Variants in ADAM10 observed in about 807,000 individuals in gnomAD.
ADAM10 encodes the protein ADAM metallopeptidase domain 10.
ADAM10 carries 17 observed loss-of-function variants against 90.1 expected under a neutral mutation model. That is an observed-to-expected ratio of 0.19 (90% CI 0.13 to 0.28). The LOEUF is 0.28. ADAM10 is among the 10% of genes least tolerant of loss of function. The pLI, the probability that ADAM10 is intolerant of heterozygous loss-of-function variation, is 1.00. For synonymous variants in ADAM10, 310 were observed against 298.6 expected (o/e 1.04, Z -0.40); for missense variants, 610 against 914.3 (o/e 0.67, Z 4.29).
Position 58,594,875 on chromosome 15 carries a change from C to G in ADAM10, c.*2672G>C, listed in dbSNP as rs1894909932. On this transcript the variant is annotated 3_prime_UTR_variant, in exon 16 of 16. Coordinates refer to ENST00000260408, the MANE Select transcript of ADAM10 (RefSeq NM_001110.4). ...AAGTATTACATATTTACTCATTTAA[C>G]AAGTATTACTTATAGCTAACCTTGA... 6.6e-6 allele frequency: 1 copy of G among 152,094 alleles called. No individual in the cohort carries two copies. The highest frequency in any genetic ancestry group is 1.5e-5 in the Non-Finnish European group (1 of 68,012). The allele number at this position is 152,094 out of a possible 1,614,324, so 9.4% of individuals were successfully genotyped here.
intron 8 of ADAM10, among the ~76,000 whole-genome samples, chr15:58,636,731 CA>C (rs1225346228): frequency 1.4e-4 from 21 of 151,496 alleles, no homozygotes; most frequent in African/African-American, 4.1e-4. Context: ...CCCCACCCCC[CA>C]AAAAAAAGTC....
At chr15:58,602,425 A>G (rs1213561407) in intron 14 of ADAM10, among the ~76,000 whole-genome samples, 4 of 151,974 alleles carry the variant, frequency 2.6e-5, no homozygotes, top group African/African-American at 9.7e-5. Context: ...CTGAAACCCC[A>G]TACTGGTAGT....
intron 3 of ADAM10, among the ~76,000 whole-genome samples, chr15:58,679,573 T>C (rs1420206123): frequency 1.3e-5 from 2 of 152,132 alleles, no homozygotes; most frequent in Non-Finnish European, 1.5e-5. Flanking sequence ...TCCTTGCACC[T>C]AGCTGAGTGC....
At chr15:58,631,782 C>T (rs376055457) in intron 9 of ADAM10, among the ~76,000 whole-genome samples, 4 of 152,292 alleles carry the variant, frequency 2.6e-5, no homozygotes, top group South Asian at 2.1e-4. Context: ...CAATAATTCT[C>T]TGCTCATCTC....
intron 1 of ADAM10, among the ~76,000 whole-genome samples, chr15:58,726,195 T>C (rs1413491027): frequency 6.6e-6 from 1 of 152,132 alleles, no homozygotes; most frequent in Non-Finnish European, 1.5e-5. Flanking sequence ...TGAAGTAATA[T>C]TATTTGAAAG....
chr15:58,693,164 C>G lies in ADAM10; in HGVS notation c.207-10850G>C, dbSNP rs769805741. 4 of 728,198 alleles carry G rather than the reference C, an allele frequency of 5.5e-6. No individual in the cohort carries two copies. The Admixed American group carries it at 7.0e-5, about 13-fold the overall frequency. The allele number at this position is 728,198 out of a possible 1,614,324, so 45.1% of individuals were successfully genotyped here. Reference sequence around the variant, plus strand: ...TCTGCCTAAAAGGCAAAAGTCGCCACCTCCCCTTCTCCATGGTACACCTCT... The same window carrying G: ...TCTGCCTAAAAGGCAAAAGTCGCCAGCTCCCCTTCTCCATGGTACACCTCT... On this transcript the variant is annotated intron_variant, in intron 2 of 15. Coordinates refer to ENST00000260408, the MANE Select transcript of ADAM10 (RefSeq NM_001110.4).
chr15:58,688,786 A>ATATATATATATATCTCTCTC lies in ADAM10; in HGVS notation c.207-6473_207-6472insGAGAGAGATATATATATATA. ...AAAAATTATATATATATATATATATATCTCTCTCTCTCACTGGACTGACTT... is the reference window on the plus strand; with the variant it reads ...AAAAATTATATATATATATATATATATATATATATATATCTCTCTCTCTCTCTCTCTCACTGGACTGACTT... On this transcript the variant is annotated intron_variant, in intron 2 of 15. Transcript: ENST00000260408. 1.3e-3 allele frequency among the ~76,000 whole-genome samples: 159 copies of ATATATATATATATCTCTCTC among 122,336 alleles called. 1 individual carries two copies. The highest frequency in any genetic ancestry group is 4.6e-3 in the African/African-American group (129 of 27,790). The allele number at this position is 122,336 out of a possible 152,430, so 80.3% of individuals were successfully genotyped here. A position where few individuals can be genotyped will look rare whatever the true frequency, so the allele number is the denominator to read the frequency against.
chr15:58,628,045 T>C (rs755110070), intron 9 of ADAM10, among the ~76,000 whole-genome samples, 162 bp from the exon 10 acceptor site: 1 of 152,222 alleles, frequency 6.6e-6, no homozygotes, highest in African/African-American at 2.4e-5. Flanking sequence ...GAAAAGAATT[T>C]GCTCTTTTAG....
rs1894984124 is a variant in ADAM10 at position 58,597,357 on chromosome 15, C to T, written c.*190G>A. 1 of 1,540,196 alleles carries T rather than the reference C, an allele frequency of 6.5e-7. No individual in the cohort carries two copies. The highest frequency in any genetic ancestry group is 1.4e-5 in the African/African-American group (1 of 72,436). On this transcript the variant is annotated 3_prime_UTR_variant, in exon 16 of 16. Transcript: ENST00000260408. ...ATTGGGTTCCTTTTCCACCTCCCAC[C>T]CCCAAATTGGAATTTTCAGGCTTTA... is the stretch of plus-strand genomic sequence containing the variant.
chr15:58,686,237 C>T (rs1388693848), intron 2 of ADAM10, among the ~76,000 whole-genome samples: 1 of 152,158 alleles, frequency 6.6e-6, no homozygotes, highest in Non-Finnish European at 1.5e-5. Context: ...GACAGGGATA[C>T]ATCGAAGTTG....
At chr15:58,740,054 CTTAACA>C (rs1488664177) in intron 1 of ADAM10, among the ~76,000 whole-genome samples, 1 of 152,218 alleles carries the variant, frequency 6.6e-6, no homozygotes, top group Non-Finnish European at 1.5e-5. Flanking sequence ...TTACTTCCCT[CTTAACA>C]TTGTCTTTCT....
At chr15:58,616,066 T>C (rs1297072961) in intron 11 of ADAM10, among the ~76,000 whole-genome samples, 1 of 152,076 alleles carries the variant, frequency 6.6e-6, no homozygotes, top group Non-Finnish European at 1.5e-5. Context: ...AAATGTTCCA[T>C]TCAGCAAAGG....
chr15:58,674,822 AAGAG>A (rs67952516), intron 4 of ADAM10, among the ~76,000 whole-genome samples: 2,311 of 152,326 alleles, frequency 0.015, 62 homozygotes, highest in African/African-American at 0.052. Flanking sequence ...ATTGAAGCAC[AAGAG>A]AAAGAAGAAA....
intron 8 of ADAM10, among the ~76,000 whole-genome samples, chr15:58,640,120 G>C (rs1209994877): frequency 6.6e-6 from 1 of 152,132 alleles, no homozygotes; most frequent in East Asian, 1.9e-4. Context: ...CCACTGTAAT[G>C]GGAAGGGTAT....
At position 58,726,584 on chromosome 15, in the gene ADAM10, A is replaced by AAAG. The variant is rs1412951422; in HGVS notation, c.56-8858_56-8857insCTT. ...CAGTCTCCCAAAAAAAAAAAAAAAAAAAAAAAAAGTATATTACTCCCGAAA... is the reference window on the plus strand; with the variant it reads ...CAGTCTCCCAAAAAAAAAAAAAAAAAAAGAAAAAAAAGTATATTACTCCCGAAA... On this transcript the variant is annotated intron_variant, in intron 1 of 15. Transcript: ENST00000260408. Among the ~76,000 whole-genome samples the AAAG allele has an allele frequency of 2.7e-5, 4 of 150,738 alleles. No homozygotes were observed. In the East Asian group the frequency reaches 7.7e-4, roughly 29 times the overall value.
chr15:58,627,964 T>A, intron 9 of ADAM10, 81 bp from the exon 10 acceptor site: 1 of 1,382,056 alleles, frequency 7.2e-7, no homozygotes. Context: ...AATGTTCTCA[T>A]CAGGAAAACA....
At chr15:58,627,671 A>C (rs202016952) in intron 10 of ADAM10, 29 bp downstream of exon 10, 1 of 1,593,576 alleles carries the variant, frequency 6.3e-7, no homozygotes, top group South Asian at 1.1e-5. Flanking sequence ...GAAAATGTTC[A>C]TAACAAAACG....
chr15:58,683,327 T>A (rs1397176306), intron 2 of ADAM10, among the ~76,000 whole-genome samples: 1 of 152,204 alleles, frequency 6.6e-6, no homozygotes, highest in Non-Finnish European at 1.5e-5. Flanking sequence ...ACCTTGTTTT[T>A]TAAATTACTT....
At chr15:58,635,279 AAAAAAAAAAAAAAAG>A (rs1431194050) in intron 8 of ADAM10, among the ~76,000 whole-genome samples, 3 of 147,816 alleles carry the variant, frequency 2.0e-5, no homozygotes, top group Non-Finnish European at 3.0e-5. Flanking sequence ...TGTCTCAAAA[AAAAAAAAAAAAAAAG>A]AAAGAAAGAA....
Sources: allele counts gnomAD v4.1 joint callset (sites outside exome capture counted in the v4.1 genomes callset), GRCh38; gene constraint gnomAD v4.1.1; transcripts MANE v1.5; gene names NCBI Gene and HGNC (gene_info 2026-07-23, HGNC 2026-07-21).